Variants in GRAMD1B observed in about 807,000 individuals in gnomAD.
The protein encoded by GRAMD1B is GRAM domain containing 1B.
GRAMD1B carries 37 observed loss-of-function variants against 99.7 expected under a neutral mutation model. That is an observed-to-expected ratio of 0.37 (90% confidence interval 0.29 to 0.49). GRAMD1B has a LOEUF of 0.49. Among genes scored for constraint, GRAMD1B ranks in the 20% least tolerant of loss-of-function variants. The probability of loss-of-function intolerance (pLI) is 0.98; values close to 1 mark genes in which losing one functional copy is unlikely to be tolerated. For synonymous variants in GRAMD1B, 427 were observed against 387.6 expected (o/e 1.10, Z -1.19); for missense variants, 888 against 1,009.2 (o/e 0.88, Z 1.63).
At chr11:123,395,429 A>T (rs1181553186) in intron 1 of GRAMD1B, among the ~76,000 whole-genome samples, 1 of 152,032 alleles carries the variant, frequency 6.6e-6, no homozygotes, top group African/African-American at 2.4e-5. Flanking sequence ...CATCCCCTTC[A>T]TATACAGCCA....
At chr11:123,463,285 T>C (rs2134528433) in intron 1 of GRAMD1B, among the ~76,000 whole-genome samples, 1 of 152,356 alleles carries the variant, frequency 6.6e-6, no homozygotes, top group Admixed American at 6.5e-5. Flanking sequence ...ATTGCTGGGA[T>C]TACAGGCATG....
At chr11:123,473,518 C>T (rs955038333) in intron 1 of GRAMD1B, among the ~76,000 whole-genome samples, 1 of 152,182 alleles carries the variant, frequency 6.6e-6, no homozygotes, top group Non-Finnish European at 1.5e-5. Flanking sequence ...AGAGATCCTC[C>T]TTCCTCAACC....
intron 17 of GRAMD1B, chr11:123,618,423 C>T: frequency 1.4e-6 from 2 of 1,438,586 alleles, no homozygotes; most frequent in Non-Finnish European, 2.0e-6. Flanking sequence ...CTCTCTTCCC[C>T]CAGGTGCCCA....
At chr11:123,534,515 AAGG>A (rs781017109) in intron 2 of GRAMD1B, among the ~76,000 whole-genome samples, 33 of 152,292 alleles carry the variant, frequency 2.2e-4, no homozygotes, top group Non-Finnish European at 2.5e-4. Context: ...GGGCTGAATG[AAGG>A]AGATGGGATG....
intron 1 of GRAMD1B, among the ~76,000 whole-genome samples, chr11:123,455,513 G>A (rs1166089602): frequency 6.6e-6 from 1 of 152,034 alleles, no homozygotes; most frequent in Non-Finnish European, 1.5e-5. Flanking sequence ...CCACTCAATT[G>A]ATCATTCATC....
chr11:123,480,637 C>A, intron 1 of GRAMD1B, 179 bp from the exon 2 acceptor site: 1 of 382,244 alleles, frequency 2.6e-6, no homozygotes, highest in East Asian at 3.7e-5. Context: ...ATTTTATCAG[C>A]CTTGTGTCAT....
chr11:123,404,929 C>T (rs1947802041), intron 1 of GRAMD1B, among the ~76,000 whole-genome samples: 1 of 152,148 alleles, frequency 6.6e-6, no homozygotes, highest in African/African-American at 2.4e-5. Flanking sequence ...AGGTTTTCAG[C>T]CCTGGCTACC....
At chr11:123,609,967 T>A in intron 13 of GRAMD1B, 54 bp downstream of exon 13, 1 of 1,073,246 alleles carries the variant, frequency 9.3e-7, no homozygotes, top group Non-Finnish European at 1.4e-6. Context: ...CTGTGTTCTG[T>A]CTTGAAGGAT....
chr11:123,613,444 G>A lies in GRAMD1B; in HGVS notation c.2024-11G>A. The A allele has an allele frequency of 6.3e-7, 1 of 1,598,146 alleles. No homozygotes were observed. Among genetic ancestry groups the A allele is most frequent in the Non-Finnish European group, 8.5e-7 (1 of 1,170,380 alleles). ...AGGTGGCCTCTCCTGTGGTCCTTTT[G>A]TCTCTGATAGAGAGCGAGCTGGCCA... On this transcript the variant is annotated splice_polypyrimidine_tract_variant and intron_variant, in intron 15 of 19. Coordinates refer to ENST00000635736, the MANE Select transcript of GRAMD1B (RefSeq NM_001387025.1).
chr11:123,471,687 T>A (rs2714043), intron 1 of GRAMD1B, among the ~76,000 whole-genome samples: 19 of 152,178 alleles, frequency 1.2e-4, no homozygotes, highest in African/African-American at 4.1e-4. Context: ...AGAGGTAGGC[T>A]TGGGGTGCAC....
At chr11:123,412,501 G>A (rs185149629) in intron 1 of GRAMD1B, among the ~76,000 whole-genome samples, 10 of 152,290 alleles carry the variant, frequency 6.6e-5, no homozygotes, top group African/African-American at 2.4e-4. Context: ...TGAATACAGA[G>A]TACAGAGCCA....
Position 123,623,896 on chromosome 11 carries a change from G to C in GRAMD1B, c.*1301G>C, listed in dbSNP as rs1430248528. 2 of 152,734 alleles carry C rather than the reference G, an allele frequency of 1.3e-5. No individual in the cohort carries two copies. Among genetic ancestry groups the C allele is most frequent in the African/African-American group, 2.4e-5 (1 of 41,546 alleles). 9.5% of individuals were successfully genotyped at this position (152,734 alleles called of 1,614,324 possible). ...GGGTTGGAGTACAAATCCTGCTCTGGTCTCTGGCCCCACAGAGGTGTAAGA... is the reference window on the plus strand; with the variant it reads ...GGGTTGGAGTACAAATCCTGCTCTGCTCTCTGGCCCCACAGAGGTGTAAGA... On this transcript the variant is annotated 3_prime_UTR_variant, in exon 20 of 20. Transcript: ENST00000635736.
intron 2 of GRAMD1B, among the ~76,000 whole-genome samples, chr11:123,558,039 A>T (rs1946340275): frequency 7.1e-6 from 1 of 140,894 alleles, no homozygotes; most frequent in Non-Finnish European, 1.5e-5. Context: ...GCTGGAGTGC[A>T]GTGGTGCGAT....
rs1203854208 is a variant in GRAMD1B at position 123,626,700 on chromosome 11, G to A, written c.*4105G>A. The A allele has an allele frequency of 6.6e-6, 1 of 152,332 alleles. No individual in the cohort carries two copies. The highest frequency in any genetic ancestry group is 1.5e-5 in the Non-Finnish European group (1 of 68,176). 9.4% of individuals were successfully genotyped at this position (152,332 alleles called of 1,614,324 possible). A position where few individuals can be genotyped will look rare whatever the true frequency, so the allele number is the denominator to read the frequency against. On this transcript the variant is annotated 3_prime_UTR_variant, in exon 20 of 20. Transcript: ENST00000635736. ...CCCCACCTTCGCCACTTGTCTCTAG[G>A]CTATGGGACAATCATCCCATTCACC...
intron 2 of GRAMD1B, chr11:123,560,380 A>AG: frequency 8.5e-7 from 1 of 1,175,698 alleles, no homozygotes; most frequent in South Asian, 1.6e-5. Context: ...CAGCAGAGGG[A>AG]GGTGGGGGAG....
intron 1 of GRAMD1B, among the ~76,000 whole-genome samples, chr11:123,436,710 A>G (rs1656082732): frequency 6.6e-6 from 1 of 152,216 alleles, no homozygotes; most frequent in African/African-American, 2.4e-5. Context: ...TCAGTGGTCT[A>G]ACTGCAAAGC....
chr11:123,562,247 C>G (rs1311578804), intron 2 of GRAMD1B, among the ~76,000 whole-genome samples: 1 of 152,206 alleles, frequency 6.6e-6, no homozygotes, highest in Non-Finnish European at 1.5e-5. Context: ...CCCTGCTTCT[C>G]TCTTTTCTGG....
intron 1 of GRAMD1B, among the ~76,000 whole-genome samples, chr11:123,468,036 G>A (rs1591621964): frequency 6.6e-6 from 1 of 151,720 alleles, no homozygotes; most frequent in South Asian, 2.1e-4. Context: ...CTATTTTTTT[G>A]TATTTTTAGT....
At chr11:123,581,199 G>A (rs1414637262) in intron 3 of GRAMD1B, among the ~76,000 whole-genome samples, 1 of 152,072 alleles carries the variant, frequency 6.6e-6, no homozygotes, top group Non-Finnish European at 1.5e-5. Context: ...TGATAGAAAC[G>A]AGCATGTCCC....
Sources: gnomAD v4.1 joint callset for allele counts (sites outside exome capture counted in the v4.1 genomes callset) on GRCh38, gnomAD v4.1.1 for gene constraint, MANE v1.5 for transcripts, NCBI Gene and HGNC (gene_info 2026-07-23, HGNC 2026-07-21) for gene names.